Variants in SLC25A48 observed in about 807,000 individuals in gnomAD.
The protein encoded by SLC25A48 is solute carrier family 25 member 48, also known as CTC-321K16.1.
SLC25A48 carries 29 observed loss-of-function variants against 32.2 expected under a neutral mutation model. The observed-to-expected ratio is 0.90, with a 90% CI of 0.67 to 1.23. The LOEUF (loss-of-function observed/expected upper bound fraction) is 1.23, where lower values mean the gene tolerates loss of function less well. Among genes scored for constraint, SLC25A48 ranks in the 50% most tolerant of loss-of-function variants. The pLI, the probability that SLC25A48 is intolerant of heterozygous loss-of-function variation, is 0.00. For missense variants in SLC25A48, 399 were observed against 422.7 expected, an observed-to-expected ratio of 0.94 and a Z score of 0.49; for synonymous variants, 164 against 172.3, an observed-to-expected ratio of 0.95 and a Z score of 0.38.
chr5:135,613,643 C>T (rs1209962774), intron 1 of SLC25A48, among the ~76,000 whole-genome samples: 2 of 152,018 alleles, frequency 1.3e-5, no homozygotes, highest in African/African-American at 4.8e-5. Flanking sequence ...TCTGAATATC[C>T]AGTCTATGGA....
chr5:135,649,578 G>C (rs78268312), intron 3 of SLC25A48: 1,714 of 152,498 alleles, frequency 0.011, 39 homozygotes, highest in African/African-American at 0.039. Flanking sequence ...CTCTGGGGTA[G>C]TGCCTTTATA....
At chr5:135,764,451 G>T (rs1223801222) in intron 3 of SLC25A48, among the ~76,000 whole-genome samples, 1 of 151,656 alleles carries the variant, frequency 6.6e-6, no homozygotes, top group Non-Finnish European at 1.5e-5. Context: ...CTTCCATATC[G>T]TGGGGGTTGT....
At chr5:135,637,605 A>G (rs977732561) in intron 3 of SLC25A48, among the ~76,000 whole-genome samples, 7 of 152,222 alleles carry the variant, frequency 4.6e-5, no homozygotes, top group Non-Finnish European at 4.4e-5. Context: ...TTCTTTGGCC[A>G]ATGTGTTTTT....
chr5:135,738,061 A>G (rs943482912), intron 3 of SLC25A48, among the ~76,000 whole-genome samples: 2 of 152,220 alleles, frequency 1.3e-5, no homozygotes, highest in African/African-American at 4.8e-5. Flanking sequence ...TGACTGTGAT[A>G]GAGACTTTCC....
intron 7 of SLC25A48, among the ~76,000 whole-genome samples, chr5:135,887,511 T>G (rs1762777291): frequency 6.6e-6 from 1 of 152,028 alleles, no homozygotes; most frequent in African/African-American, 2.4e-5. Context: ...TGTATATACA[T>G]ATCCCTCGCC....
chr5:135,778,160 C>G (rs539810446), intron 3 of SLC25A48, among the ~76,000 whole-genome samples: 1 of 151,580 alleles, frequency 6.6e-6, no homozygotes, highest in East Asian at 1.9e-4. Flanking sequence ...GGTATTGTTT[C>G]TAATATTAAG....
At chr5:135,856,299 T>C (rs766296858) in intron 4 of SLC25A48, among the ~76,000 whole-genome samples, 78 of 152,154 alleles carry the variant, frequency 5.1e-4, no homozygotes, top group Non-Finnish European at 9.0e-4. Flanking sequence ...CTGATGGGGC[T>C]GACAGTCTCC....
In SLC25A48 at chr5:135,834,708, G is replaced by A. The variant is rs892143624; in HGVS notation, c.-140G>A. The A allele has an allele frequency of 3.3e-5, 30 of 905,126 alleles. No homozygotes were observed. Among genetic ancestry groups the A allele is most frequent in the African/African-American group, 1.7e-5 (1 of 58,904 alleles). The allele number at this position is 905,126 out of a possible 1,614,324, so 56.1% of individuals were successfully genotyped here. The stretch of plus-strand genomic sequence containing the variant: ...CAGCCCGCGCAGCCGGTGACTGGGG[G>A]ACTGGGTTTGGAGTAGGACCTGCGG... On this transcript the variant is annotated 5_prime_UTR_variant, in exon 1 of 8. Transcript: ENST00000681962.
At chr5:135,599,596 G>T (rs1055459743) in intron 1 of SLC25A48, among the ~76,000 whole-genome samples, 1 of 152,240 alleles carries the variant, frequency 6.6e-6, no homozygotes, top group Non-Finnish European at 1.5e-5. Flanking sequence ...GCTGGGAGTT[G>T]TGAGGCCCAG....
chr5:135,771,239 T>C (rs1756401779), intron 3 of SLC25A48, among the ~76,000 whole-genome samples: 2 of 151,640 alleles, frequency 1.3e-5, no homozygotes, highest in Admixed American at 6.6e-5. Flanking sequence ...TTACTCCCCA[T>C]ATCACGGGAA....
At chr5:135,659,432 AG>A (rs1262797434) in intron 3 of SLC25A48, among the ~76,000 whole-genome samples, 1 of 152,208 alleles carries the variant, frequency 6.6e-6, no homozygotes, top group Non-Finnish European at 1.5e-5. Context: ...TATCACCATC[AG>A]CATTTTGGTC....
chr5:135,687,072 G>A (rs1580785123), intron 3 of SLC25A48, among the ~76,000 whole-genome samples: 2 of 152,160 alleles, frequency 1.3e-5, no homozygotes, highest in South Asian at 2.1e-4. Context: ...ACTCATCCAG[G>A]ATTTTCATGC....
intron 4 of SLC25A48, chr5:135,812,999 C>G (rs4976461): frequency 0.35 from 53,744 of 152,312 alleles, 9,630 homozygotes; most frequent in East Asian, 0.44. Context: ...TAGCTACGGG[C>G]CCCAAGCCCC....
intron 1 of SLC25A48, among the ~76,000 whole-genome samples, chr5:135,603,642 C>T (rs986300628): frequency 6.6e-6 from 1 of 152,226 alleles, no homozygotes; most frequent in Non-Finnish European, 1.5e-5. Context: ...CAGCCAGCTT[C>T]CTGCCTGCCT....
chr5:135,711,106 T>G (rs572285469), intron 3 of SLC25A48, among the ~76,000 whole-genome samples: 82 of 152,314 alleles, frequency 5.4e-4, no homozygotes, highest in Non-Finnish European at 8.5e-4. Flanking sequence ...AGTTCCCATT[T>G]GAGGAGAGCA....
intron 1 of SLC25A48, among the ~76,000 whole-genome samples, chr5:135,609,048 T>C (rs1258866028): frequency 6.6e-6 from 1 of 152,150 alleles, no homozygotes; most frequent in Non-Finnish European, 1.5e-5. Context: ...TTCCTGGAGG[T>C]GGAAGGGGCA....
chr5:135,681,936 G>A (rs942773101), intron 3 of SLC25A48, among the ~76,000 whole-genome samples: 1 of 152,066 alleles, frequency 6.6e-6, no homozygotes, highest in Non-Finnish European at 1.5e-5. Context: ...ATTGTTTTAT[G>A]TGTTCCTTTT....
At chr5:135,755,547 A>G (rs182244086) in intron 3 of SLC25A48, among the ~76,000 whole-genome samples, 2 of 152,040 alleles carry the variant, frequency 1.3e-5, no homozygotes, top group Admixed American at 1.3e-4. Flanking sequence ...ATCATATCTA[A>G]TGTCAACACA....
intron 4 of SLC25A48, among the ~76,000 whole-genome samples, chr5:135,863,616 A>G (rs183177870): frequency 6.6e-6 from 1 of 152,318 alleles, no homozygotes; most frequent in African/African-American, 2.4e-5. Context: ...TGCCCATTCC[A>G]TTATCATCAC....
Sources: gnomAD v4.1 joint callset for allele counts (sites outside exome capture counted in the v4.1 genomes callset) on GRCh38, gnomAD v4.1.1 for gene constraint, MANE v1.5 for transcripts, NCBI Gene and HGNC (gene_info 2026-07-23, HGNC 2026-07-21) for gene names.